Variants in ATAD2B observed in about 807,000 individuals in gnomAD.
ATAD2B encodes the protein ATPase family AAA domain-containing protein 2B.
In ATAD2B, 40 loss-of-function variants were observed where a neutral mutation model predicts 167.6. The ratio of observed to expected loss-of-function variants is 0.24; its 90% CI spans 0.19 to 0.31. The LOEUF is 0.31. Ranked by LOEUF, ATAD2B falls within the 10% of genes least tolerant of loss-of-function variation. The pLI, the probability that ATAD2B is intolerant of heterozygous loss-of-function variation, is 1.00. For synonymous variants in ATAD2B, 579 were observed against 596.5 expected, an observed-to-expected ratio of 0.97 and a Z score of 0.43; for missense variants, 1,242 against 1,757.2, an observed-to-expected ratio of 0.71 and a Z score of 5.24.
chr2:23,711,348 T>C, the ATAD2B span, among the ~76,000 whole-genome samples: 1 of 7,574 alleles, frequency 1.3e-4, no homozygotes, highest in African/African-American at 2.6e-4. Flanking sequence ...CTTTCTTTTT[T>C]TTTTTTTTTT....
At chr2:23,721,947 C>T in the ATAD2B span, among the ~76,000 whole-genome samples, 1 of 152,270 alleles carries the variant, frequency 6.6e-6, no homozygotes, top group South Asian at 2.1e-4. Flanking sequence ...TTGCCACAAA[C>T]TCTCTTGGCC....
At chr2:23,746,093 G>T (rs1410284364), downstream of ATAD2B, among the ~76,000 whole-genome samples, 2 of 152,178 alleles carry the variant, frequency 1.3e-5, no homozygotes, top group African/African-American at 4.8e-5. Context: ...AACCAGAAAG[G>T]CTTCCTTGAG....
chr2:23,683,890 G>GT, the ATAD2B span, among the ~76,000 whole-genome samples: 1 of 152,202 alleles, frequency 6.6e-6, no homozygotes, highest in Admixed American at 6.5e-5. Context: ...CGCCATGGCT[G>GT]TGAGTGTCTA....
chr2:23,762,386 C>A, intron 23 of ATAD2B, 40 bp from the exon 24 acceptor site: 1 of 1,568,752 alleles, frequency 6.4e-7, no homozygotes, highest in African/African-American at 1.4e-5. Context: ...TAAATATTCC[C>A]AGCTACATAA....
At chr2:23,766,040 T>G (rs139569097) in intron 22 of ATAD2B, among the ~76,000 whole-genome samples, 1,655 of 152,296 alleles carry the variant, frequency 0.011, 16 homozygotes, top group Middle Eastern at 0.037. Flanking sequence ...TTCTCCTAAG[T>G]TGACATTGGT....
At chr2:23,848,236 C>A (rs1691997238) in intron 13 of ATAD2B, among the ~76,000 whole-genome samples, 1 of 152,126 alleles carries the variant, frequency 6.6e-6, no homozygotes, top group African/African-American at 2.4e-5. Flanking sequence ...GGCACAATGG[C>A]TCACACCTAT....
chr2:23,786,402 A>G (rs980793832), intron 20 of ATAD2B, among the ~76,000 whole-genome samples, 179 bp from the exon 21 acceptor site: 4 of 152,120 alleles, frequency 2.6e-5, no homozygotes, highest in Admixed American at 6.6e-5. Flanking sequence ...TGTGAACATC[A>G]TAAGAGTATA....
chr2:23,690,350 TGGGTGGCA>T, the ATAD2B span: 1 of 152,224 alleles, frequency 6.6e-6, no homozygotes, highest in Non-Finnish European at 1.5e-5. Flanking sequence ...TGCCCACCTG[TGGGTGGCA>T]GAGCCCAGGC....
intron 1 of ATAD2B, among the ~76,000 whole-genome samples, chr2:23,903,811 C>G (rs1558769953): frequency 6.6e-6 from 1 of 151,970 alleles, no homozygotes; most frequent in Non-Finnish European, 1.5e-5. Flanking sequence ...TGATGACGGC[C>G]TCATTTAGAA....
intron 13 of ATAD2B, among the ~76,000 whole-genome samples, chr2:23,837,627 A>G (rs902970060): frequency 6.6e-6 from 1 of 152,180 alleles, no homozygotes; most frequent in Non-Finnish European, 1.5e-5. Flanking sequence ...GATGGTGGCC[A>G]CTCCAGATGG....
chr2:23,885,129 A>C (rs1446147331), intron 5 of ATAD2B, among the ~76,000 whole-genome samples: 1 of 152,238 alleles, frequency 6.6e-6, no homozygotes, highest in Non-Finnish European at 1.5e-5. Flanking sequence ...ACAGCCTAGT[A>C]GGAGGGAAAT....
At chr2:23,783,928 TCA>T (rs1032441729) in intron 21 of ATAD2B, among the ~76,000 whole-genome samples, 1 of 152,020 alleles carries the variant, frequency 6.6e-6, no homozygotes, top group Admixed American at 6.5e-5. Flanking sequence ...ATTTACACAT[TCA>T]CACACACACG....
the ATAD2B span, among the ~76,000 whole-genome samples, chr2:23,683,479 C>T: frequency 6.6e-6 from 1 of 152,228 alleles, no homozygotes; most frequent in Non-Finnish European, 1.5e-5. Flanking sequence ...TGTGCAACCC[C>T]AACAGGGTGA....
the ATAD2B span, among the ~76,000 whole-genome samples, chr2:23,712,404 G>C: frequency 6.6e-6 from 1 of 152,204 alleles, no homozygotes; most frequent in Non-Finnish European, 1.5e-5. Context: ...ACCTGGGACT[G>C]GGGTAAGGAA....
intron 22 of ATAD2B, among the ~76,000 whole-genome samples, chr2:23,779,773 T>A (rs890480660): frequency 6.6e-6 from 1 of 152,112 alleles, no homozygotes; most frequent in Non-Finnish European, 1.5e-5. Context: ...TCACAAAATA[T>A]TATAGGAATG....
intron 19 of ATAD2B, 73 bp downstream of exon 19, chr2:23,798,065 G>A (rs1195302601): frequency 4.4e-5 from 43 of 973,874 alleles, no homozygotes; most frequent in Non-Finnish European, 5.6e-5. Context: ...ATAATTAAAA[G>A]GTGTCCAATT....
Position 23,823,448 on chromosome 2 carries a change from C to A in ATAD2B, c.1941G>T (p.Val647=). 1 of 1,613,954 alleles carries A rather than the reference C, an allele frequency of 6.2e-7. No homozygotes were observed. Among genetic ancestry groups the A allele is most frequent in the Non-Finnish European group, 8.5e-7 (1 of 1,179,882 alleles). Residue 647 remains valine, a synonymous_variant, in exon 16 of 28, where the codon GTG becomes GTT. Coordinates refer to ENST00000238789, the MANE Select transcript of ATAD2B (RefSeq NM_017552.4). Reference sequence around the variant, plus strand: ...CATGGTAAAAATCTTGGGCACTAAGCACTATTGAGGAAACATCCAGCTGCA... The same window carrying A: ...CATGGTAAAAATCTTGGGCACTAAGAACTATTGAGGAAACATCCAGCTGCA... The part of the protein sequence containing the change: ...HKLQLDVSSI[V]LSAQDFYHAM...
At chr2:23,687,116 G>A in the ATAD2B span, among the ~76,000 whole-genome samples, 1 of 152,240 alleles carries the variant, frequency 6.6e-6, no homozygotes, top group Admixed American at 6.5e-5. Context: ...GCAGAGCCAT[G>A]GCCCTGCCCT....
intron 22 of ATAD2B, among the ~76,000 whole-genome samples, chr2:23,768,748 A>G (rs1677838072): frequency 6.6e-6 from 1 of 152,190 alleles, no homozygotes; most frequent in Admixed American, 6.5e-5. Flanking sequence ...GTGGAATCAC[A>G]AAGAATATTT....
Sources: allele counts gnomAD v4.1 joint callset (sites outside exome capture counted in the v4.1 genomes callset), GRCh38; gene constraint gnomAD v4.1.1; transcripts MANE v1.5; gene names NCBI Gene and HGNC (gene_info 2026-07-23, HGNC 2026-07-21).